Variants in CHST11 observed in about 807,000 individuals in gnomAD.
CHST11 encodes carbohydrate sulfotransferase 11, also known as C4S-1.
Under a neutral mutation model 30.4 loss-of-function variants are expected in CHST11, and 9 were observed. The ratio of observed to expected loss-of-function variants is 0.30; its 90% CI spans 0.18 to 0.52. CHST11 has a LOEUF of 0.52. CHST11 is among the 20% of genes least tolerant of loss of function. The probability of loss-of-function intolerance (pLI) is 0.97; values close to 1 mark genes in which losing one functional copy is unlikely to be tolerated. For missense variants in CHST11, 348 were observed against 460.6 expected, an observed-to-expected ratio of 0.76 and a Z score of 2.24; for synonymous variants, 152 against 187.8, an observed-to-expected ratio of 0.81 and a Z score of 1.56.
intron 1 of CHST11, among the ~76,000 whole-genome samples, chr12:104,592,107 C>T (rs1399414298): frequency 7.0e-6 from 1 of 142,142 alleles, no homozygotes; most frequent in African/African-American, 2.6e-5. Flanking sequence ...CTCCCCTCTT[C>T]TCCCCTCCTC....
chr12:104,750,767 A>G (rs1003623569), intron 2 of CHST11, among the ~76,000 whole-genome samples: 2 of 152,034 alleles, frequency 1.3e-5, no homozygotes, highest in Non-Finnish European at 2.9e-5. Flanking sequence ...GTACCATTTT[A>G]TTTTTAATAA....
intron 1 of CHST11, among the ~76,000 whole-genome samples, chr12:104,566,982 T>C (rs904942141): frequency 6.6e-6 from 1 of 152,116 alleles, no homozygotes; most frequent in African/African-American, 2.4e-5. Flanking sequence ...TAAATATATA[T>C]ACACACACAT....
intron 1 of CHST11, among the ~76,000 whole-genome samples, chr12:104,585,062 A>C (rs1397326572): frequency 6.6e-6 from 1 of 152,246 alleles, no homozygotes; most frequent in Non-Finnish European, 1.5e-5. Context: ...TTTAACTCTT[A>C]AAAATATGGA....
rs1054006035 is a variant in CHST11, at chr12:104,557,308, G to A, written c.119-44598G>A. 3.3e-5 allele frequency among the ~76,000 whole-genome samples: 5 copies of A among 152,330 alleles called. No homozygotes were observed. In the East Asian group the frequency reaches 5.8e-4, roughly 18 times the overall value. On this transcript the variant is annotated intron_variant, in intron 1 of 2. Transcript: ENST00000303694. ...CACCTGGGAACAGGGCTCCTTCACC[G>A]CTCATCACCAGCTGGGAACCTGGTT...
intron 1 of CHST11, among the ~76,000 whole-genome samples, chr12:104,601,254 T>G (rs567082685): frequency 3.9e-5 from 6 of 152,322 alleles, no homozygotes; most frequent in African/African-American, 1.4e-4. Flanking sequence ...AAAGAGCTCT[T>G]GGTGGCTTCA....
rs576905842 is a variant in CHST11 at position 104,677,970 on chromosome 12, G to A, written c.204+75979G>A. Among the ~76,000 whole-genome samples the A allele has an allele frequency of 1.1e-4, 16 of 152,336 alleles. No individual in the cohort carries two copies. The South Asian group carries it at 2.1e-3, about 20-fold the overall frequency. On this transcript the variant is annotated intron_variant, in intron 2 of 2. Coordinates refer to ENST00000303694, the MANE Select transcript of CHST11 (RefSeq NM_018413.6). ...CATACTTCCCTGAGATCTTTCTGTGGTTGGTGCCTTCTCATCAAGTCTCAG... is the reference window on the plus strand; with the variant it reads ...CATACTTCCCTGAGATCTTTCTGTGATTGGTGCCTTCTCATCAAGTCTCAG...
At chr12:104,497,390 C>G (rs996422395) in intron 1 of CHST11, among the ~76,000 whole-genome samples, 1 of 152,136 alleles carries the variant, frequency 6.6e-6, no homozygotes, top group Non-Finnish European at 1.5e-5. Context: ...GTCTGCAGGC[C>G]GAAGAGAAAG....
At chr12:104,708,480 C>T (rs2040055964) in intron 2 of CHST11, among the ~76,000 whole-genome samples, 1 of 152,144 alleles carries the variant, frequency 6.6e-6, no homozygotes. Context: ...GTGAGGATCT[C>T]CTATCTCTGG....
At chr12:104,703,206 G>A (rs2040004486) in intron 2 of CHST11, among the ~76,000 whole-genome samples, 1 of 152,218 alleles carries the variant, frequency 6.6e-6, no homozygotes, top group African/African-American at 2.4e-5. Context: ...GTATGTGCTA[G>A]GTGAATGCAT....
chr12:104,657,646 T>A (rs1347453000), intron 2 of CHST11, among the ~76,000 whole-genome samples: 4 of 152,198 alleles, frequency 2.6e-5, no homozygotes, highest in Admixed American at 2.6e-4. Flanking sequence ...TTGTTTCAGA[T>A]TGCTGGAATT....
intron 2 of CHST11, among the ~76,000 whole-genome samples, chr12:104,687,897 C>T (rs964706542): frequency 2.6e-5 from 4 of 152,042 alleles, no homozygotes; most frequent in African/African-American, 9.7e-5. Flanking sequence ...TCATACCGTA[C>T]CAGCATTTCA....
At chr12:104,679,767 A>G (rs1011884499) in intron 2 of CHST11, among the ~76,000 whole-genome samples, 1 of 152,134 alleles carries the variant, frequency 6.6e-6, no homozygotes, top group Non-Finnish European at 1.5e-5. Flanking sequence ...AGAAAGACGC[A>G]ATGGAGCCCC....
At chr12:104,693,357 T>G (rs1274987150) in intron 2 of CHST11, among the ~76,000 whole-genome samples, 1 of 152,214 alleles carries the variant, frequency 6.6e-6, no homozygotes, top group Non-Finnish European at 1.5e-5. Flanking sequence ...GCCATGCTCT[T>G]AAGCTACTAT....
rs114454673 is a variant in CHST11, at chr12:104,544,909, G to A, written c.119-56997G>A. On this transcript the variant is annotated intron_variant, in intron 1 of 2. Transcript: ENST00000303694. The stretch of plus-strand genomic sequence containing the variant: ...TTGGCCTTGCCACAGCAATTATGTC[G>A]TTTCGAAGTATGCCATTGTTTTGTC... 2.0e-3 allele frequency among the ~76,000 whole-genome samples: 303 copies of A among 152,062 alleles called. 3 individuals carry two copies. The highest frequency in any genetic ancestry group is 6.1e-3 in the African/African-American group (253 of 41,490).
intron 2 of CHST11, among the ~76,000 whole-genome samples, chr12:104,723,370 G>A (rs757775570): frequency 6.3e-4 from 96 of 152,324 alleles, no homozygotes; most frequent in African/African-American, 2.2e-3. Context: ...CGGGGTGGGC[G>A]TCTGGGGGGC....
intron 1 of CHST11, among the ~76,000 whole-genome samples, chr12:104,528,217 G>A (rs1352092481): frequency 6.6e-6 from 1 of 152,182 alleles, no homozygotes. Context: ...AAACAAGCAT[G>A]TGCCTCACCT....
At chr12:104,692,086 G>A (rs1385488966) in intron 2 of CHST11, among the ~76,000 whole-genome samples, 1 of 152,234 alleles carries the variant, frequency 6.6e-6, no homozygotes. Flanking sequence ...AGATGATGAA[G>A]TCATTCAAGG....
At chr12:104,478,441 T>C (rs1194723064) in intron 1 of CHST11, among the ~76,000 whole-genome samples, 1 of 152,146 alleles carries the variant, frequency 6.6e-6, no homozygotes, top group Non-Finnish European at 1.5e-5. Context: ...ATATCTGAAT[T>C]CTGGAGTCTC....
At chr12:104,593,553 A>G (rs771964219) in intron 1 of CHST11, among the ~76,000 whole-genome samples, 2 of 152,190 alleles carry the variant, frequency 1.3e-5, no homozygotes, top group Non-Finnish European at 2.9e-5. Context: ...GTGGGAGGAT[A>G]TCGGGTCAAC....
Sources: gnomAD v4.1 joint callset for allele counts (sites outside exome capture counted in the v4.1 genomes callset) on GRCh38, gnomAD v4.1.1 for gene constraint, MANE v1.5 for transcripts, NCBI Gene and HGNC (gene_info 2026-07-23, HGNC 2026-07-21) for gene names.